Variants in ESR1 observed in about 807,000 individuals in gnomAD.
ESR1 encodes the protein estrogen receptor.
A neutral mutation model predicts 52.7 loss-of-function variants in ESR1; 12 were observed. The observed-to-expected ratio is 0.23, with a 90% CI of 0.15 to 0.37. The LOEUF (loss-of-function observed/expected upper bound fraction) is 0.37, where lower values mean the gene tolerates loss of function less well. Ranked by LOEUF, ESR1 falls within the 10% of genes least tolerant of loss-of-function variation. The pLI is 1.00. For missense variants in ESR1, 584 were observed against 779.7 expected (o/e 0.75, Z 2.99); for synonymous variants, 305 against 316.8 (o/e 0.96, Z 0.39).
chr6:151,868,927 T>G (rs960901343), intron 2 of ESR1, among the ~76,000 whole-genome samples: 6 of 152,162 alleles, frequency 3.9e-5, no homozygotes, highest in African/African-American at 1.4e-4. Flanking sequence ...CAAGGGAACG[T>G]TCAGGTGTGA....
chr6:151,816,289 A>G (rs908783543), intron 1 of ESR1, among the ~76,000 whole-genome samples: 4 of 152,176 alleles, frequency 2.6e-5, no homozygotes, highest in Non-Finnish European at 4.4e-5. Context: ...TCGATTCTGT[A>G]TAATAGAGTG....
At chr6:151,710,628 T>C (rs1780531142) in intron 2 of ESR1, among the ~76,000 whole-genome samples, 1 of 152,142 alleles carries the variant, frequency 6.6e-6, no homozygotes, top group Admixed American at 6.6e-5. Flanking sequence ...AACGTGCAGG[T>C]TTGTTACACA....
intron 2 of ESR1, among the ~76,000 whole-genome samples, chr6:151,786,727 T>A (rs1036344273): frequency 2.0e-5 from 3 of 151,284 alleles, no homozygotes; most frequent in Admixed American, 6.6e-5. Context: ...AGAAAAAAAA[T>A]ATGCTCAGTT....
At chr6:151,764,264 GTTTA>G (rs1784876069) in intron 2 of ESR1, among the ~76,000 whole-genome samples, 2 of 152,120 alleles carry the variant, frequency 1.3e-5, no homozygotes, top group Non-Finnish European at 2.9e-5. Context: ...GGCCTGTCTG[GTTTA>G]TTTATTTATT....
intron 2 of ESR1, among the ~76,000 whole-genome samples, chr6:151,798,694 T>C (rs1365270157): frequency 2.0e-5 from 3 of 152,244 alleles, no homozygotes; most frequent in Admixed American, 6.5e-5. Context: ...CTTTTGGAAA[T>C]TGAACTGTGT....
At chr6:151,715,587 T>G (rs1780967428) in intron 2 of ESR1, among the ~76,000 whole-genome samples, 1 of 152,158 alleles carries the variant, frequency 6.6e-6, no homozygotes. Flanking sequence ...CAAGTTGATC[T>G]TCAATCTCTG....
At position 151,986,946 on chromosome 6, in the gene ESR1, C is replaced by T. The variant is rs141789868; in HGVS notation, c.1097-24710C>T. On this transcript the variant is annotated intron_variant, in intron 4 of 7. Coordinates refer to ENST00000206249, the MANE Select transcript of ESR1 (RefSeq NM_000125.4). ...GCACGCGAGCACGTGTGTGTGTGTG[C>T]GCGCCCATGGGTCCATTTTTGCATG... Among the ~76,000 whole-genome samples the T allele has an allele frequency of 5.6e-3, 855 of 151,832 alleles. 4 individuals are homozygous for T. The highest frequency in any genetic ancestry group is 0.013 in the Admixed American group (201 of 15,218).
At chr6:151,857,069 T>C (rs1301481347) in intron 2 of ESR1, among the ~76,000 whole-genome samples, 2 of 152,208 alleles carry the variant, frequency 1.3e-5, no homozygotes, top group Non-Finnish European at 2.9e-5. Flanking sequence ...TGTGTATTCA[T>C]ATATGGCTGC....
intron 3 of ESR1, among the ~76,000 whole-genome samples, chr6:151,924,019 G>A (rs1349444732): frequency 2.0e-5 from 3 of 152,086 alleles, no homozygotes; most frequent in Non-Finnish European, 1.5e-5. Context: ...TAGATGTGTA[G>A]TAGTGTTTGA....
chr6:152,067,669 T>C (rs1420235127), intron 6 of ESR1, among the ~76,000 whole-genome samples: 2 of 152,000 alleles, frequency 1.3e-5, no homozygotes, highest in Non-Finnish European at 2.9e-5. Flanking sequence ...CTACTAAAAA[T>C]ACAAAAAGTT....
At chr6:152,060,594 G>A (rs1157366700) in intron 5 of ESR1, among the ~76,000 whole-genome samples, 1 of 152,120 alleles carries the variant, frequency 6.6e-6, no homozygotes, top group African/African-American at 2.4e-5. Context: ...TTCAGCCGAG[G>A]CCCTGTTTTT....
At chr6:151,845,629 C>T (rs771861409) in intron 2 of ESR1, among the ~76,000 whole-genome samples, 5 of 152,072 alleles carry the variant, frequency 3.3e-5, no homozygotes, top group Non-Finnish European at 7.4e-5. Context: ...GTCTTGTATA[C>T]GCAGACCAGC....
At chr6:151,976,154 TTTAATGC>T (rs1441178142) in intron 4 of ESR1, among the ~76,000 whole-genome samples, 2 of 152,214 alleles carry the variant, frequency 1.3e-5, no homozygotes, top group Non-Finnish European at 2.9e-5. Flanking sequence ...GTTGTTTTTT[TTTAATGC>T]TCAATAAAAG....
In ESR1 at chr6:151,807,896, GCCCGCGGC is replaced by G; in HGVS notation, c.-15_-8del. The G allele has an allele frequency of 6.2e-7, 1 of 1,611,298 alleles. No homozygotes were observed. Among genetic ancestry groups the G allele is most frequent in the Non-Finnish European group, 8.5e-7 (1 of 1,178,290 alleles). On this transcript the variant is annotated 5_prime_UTR_variant, in exon 1 of 8. Coordinates refer to ENST00000206249, the MANE Select transcript of ESR1 (RefSeq NM_000125.4). ...CCTGCGGGGACACGGTCTGCACCCT[GCCCGCGGC>G]CACGGACCATGACCATGACCCTCCA...
intron 6 of ESR1, among the ~76,000 whole-genome samples, chr6:152,065,001 T>C (rs62429676): frequency 3.3e-5 from 5 of 152,188 alleles, no homozygotes; most frequent in African/African-American, 7.2e-5. Context: ...TCATGGACCA[T>C]TGTAGGCCCT....
intron 2 of ESR1, among the ~76,000 whole-genome samples, chr6:151,860,409 C>T (rs1418477733): frequency 6.6e-6 from 1 of 152,094 alleles, no homozygotes; most frequent in Non-Finnish European, 1.5e-5. Flanking sequence ...TTGACCAATA[C>T]CTCTCTATTT....
intron 2 of ESR1, among the ~76,000 whole-genome samples, chr6:151,730,909 C>T (rs1782190805): frequency 6.6e-6 from 1 of 152,192 alleles, no homozygotes; most frequent in Non-Finnish European, 1.5e-5. Flanking sequence ...TCTAGCCAAG[C>T]TGCTGTTAGA....
chr6:151,755,252 A>T (rs1225443481), intron 2 of ESR1, among the ~76,000 whole-genome samples: 4 of 151,586 alleles, frequency 2.6e-5, no homozygotes, highest in East Asian at 1.9e-4. Context: ...AAAAAAAAAA[A>T]GCAAAGAGCA....
intron 4 of ESR1, among the ~76,000 whole-genome samples, chr6:151,946,513 A>G (rs986695130): frequency 2.6e-5 from 4 of 152,246 alleles, no homozygotes; most frequent in Non-Finnish European, 5.9e-5. Context: ...AATAGTTAAA[A>G]TACAATTATT....
Sources: gnomAD v4.1 joint callset for allele counts (sites outside exome capture counted in the v4.1 genomes callset) on GRCh38, gnomAD v4.1.1 for gene constraint, MANE v1.5 for transcripts, NCBI Gene and HGNC (gene_info 2026-07-23, HGNC 2026-07-21) for gene names.